Variants in ATXN8OS observed in about 807,000 individuals in gnomAD.
The protein encoded by ATXN8OS is ATXN8 opposite strand (non-protein coding).
At chr13:70,143,643 G>A (rs1425212333) in intron 3 of ATXN8OS, among the ~76,000 whole-genome samples, 2 of 151,932 alleles carry the variant, frequency 1.3e-5, no homozygotes, top group Non-Finnish European at 2.9e-5. Context: ...TTGAGCGGTG[G>A]GTACCTCACC....
chr13:70,144,506 C>A (rs302011), intron 3 of ATXN8OS, among the ~76,000 whole-genome samples: 132,471 of 152,120 alleles, frequency 0.87, 57,873 homozygotes, highest in East Asian at 1. Context: ...TGTAATATTC[C>A]ACTGAATTCA....
intron 3 of ATXN8OS, among the ~76,000 whole-genome samples, chr13:70,143,013 C>T (rs965594220): frequency 2.0e-5 from 3 of 151,724 alleles, no homozygotes; most frequent in African/African-American, 7.3e-5. Flanking sequence ...GCAGAGGTTG[C>T]CGTGAGCCGA....
chr13:70,149,307 T>C (rs998569792), intron 4 of ATXN8OS, among the ~76,000 whole-genome samples: 1 of 152,116 alleles, frequency 6.6e-6, no homozygotes, highest in Non-Finnish European at 1.5e-5. Context: ...GAAAGCTCAA[T>C]TCAAAATTTG....
intron 3 of ATXN8OS, among the ~76,000 whole-genome samples, chr13:70,136,743 T>C (rs2137487896): frequency 6.6e-6 from 1 of 152,250 alleles, no homozygotes; most frequent in East Asian, 1.9e-4. Context: ...CTTAGTTCCA[T>C]TTAATAGGTT....
At chr13:70,134,966 T>C (rs770361535) in intron 3 of ATXN8OS, among the ~76,000 whole-genome samples, 2 of 152,166 alleles carry the variant, frequency 1.3e-5, no homozygotes, top group South Asian at 2.1e-4. Flanking sequence ...TGGACTCTTG[T>C]TCTCTTGGGA....
At chr13:70,119,280 C>A (rs1047744951) in intron 2 of ATXN8OS, among the ~76,000 whole-genome samples, 1 of 152,096 alleles carries the variant, frequency 6.6e-6, no homozygotes, top group South Asian at 2.1e-4. Context: ...AGTTCTCTAG[C>A]AATCACACAG....
At chr13:70,118,869 G>A (rs972924683) in intron 2 of ATXN8OS, among the ~76,000 whole-genome samples, 13 of 146,802 alleles carry the variant, frequency 8.9e-5, no homozygotes, top group African/African-American at 3.3e-4. Flanking sequence ...TTTAGCTCTT[G>A]TTGCCCAGGC....
chr13:70,141,582 A>G (rs896371121), intron 3 of ATXN8OS, among the ~76,000 whole-genome samples: 6 of 152,138 alleles, frequency 3.9e-5, no homozygotes, highest in African/African-American at 1.4e-4. Flanking sequence ...ATTTATATAT[A>G]CAAATATGTG....
At position 70,118,518 on chromosome 13, in the gene ATXN8OS, G is replaced by T. The variant is rs543456286; in HGVS notation, n.398+3220G>T. On this transcript the variant is annotated intron_variant and non_coding_transcript_variant, in intron 2 of 4. Coordinates refer to ENST00000678624, the Ensembl canonical transcript of ATXN8OS. Reference sequence around the variant, plus strand: ...TAGTCACATTTCTGGTTTTGAGTAAGAATGCCATATATACATATATGCATT... The same window carrying T: ...TAGTCACATTTCTGGTTTTGAGTAATAATGCCATATATACATATATGCATT... Among the ~76,000 whole-genome samples, 15 of 152,052 alleles carry T rather than the reference G, an allele frequency of 9.9e-5. No homozygotes were observed. The East Asian group carries it at 2.9e-3, about 29-fold the overall frequency.
chr13:70,117,491 GC>G (rs1323591739), intron 2 of ATXN8OS, among the ~76,000 whole-genome samples: 1 of 152,056 alleles, frequency 6.6e-6, no homozygotes, highest in Non-Finnish European at 1.5e-5. Context: ...CACAGCTTGA[GC>G]AGTGCATCCT....
intron 4 of ATXN8OS, among the ~76,000 whole-genome samples, chr13:70,167,723 C>CTTTTTTTTTTTTTTTTT (rs4053603): frequency 1.6e-5 from 1 of 61,882 alleles, no homozygotes; most frequent in African/African-American, 5.6e-5. Context: ...TATGTAACTT[C>CTTTTTTTTTTTTTTTTT]TTTTTTTTTT....
chr13:70,141,908 T>A (rs954240675), intron 3 of ATXN8OS, among the ~76,000 whole-genome samples: 1 of 151,270 alleles, frequency 6.6e-6, no homozygotes, highest in Non-Finnish European at 1.5e-5. Flanking sequence ...TGAAACAGAG[T>A]TTTTTGCTTT....
At chr13:70,146,395 C>G (rs900628946) in intron 3 of ATXN8OS, among the ~76,000 whole-genome samples, 1 of 151,648 alleles carries the variant, frequency 6.6e-6, no homozygotes, top group Non-Finnish European at 1.5e-5. Flanking sequence ...ACCATTTGAC[C>G]CAGCCATCCC....
chr13:70,134,794 G>A (rs1223561863), intron 3 of ATXN8OS, among the ~76,000 whole-genome samples: 1 of 152,150 alleles, frequency 6.6e-6, no homozygotes, highest in Admixed American at 6.5e-5. Context: ...AGAATAGAAG[G>A]ACTGCAATCT....
chr13:70,131,031 T>C (rs1356195170), intron 3 of ATXN8OS: 1 of 398,414 alleles, frequency 2.5e-6, no homozygotes, highest in Non-Finnish European at 4.4e-6. Context: ...AGTTAGGAAG[T>C]GAAATTCTCA....
At chr13:70,147,015 A>C (rs535873988) in intron 3 of ATXN8OS, among the ~76,000 whole-genome samples, 22 of 152,282 alleles carry the variant, frequency 1.4e-4, no homozygotes, top group African/African-American at 5.3e-4. Context: ...TTTCATATAA[A>C]ATTAAGTATG....
chr13:70,146,546 A>T (rs1384256149), intron 3 of ATXN8OS, among the ~76,000 whole-genome samples: 3 of 152,188 alleles, frequency 2.0e-5, no homozygotes, highest in Non-Finnish European at 4.4e-5. Flanking sequence ...TGGATTAAGA[A>T]AATGTGGCAC....
chr13:70,137,349 T>C (rs942455201), intron 3 of ATXN8OS, among the ~76,000 whole-genome samples: 3 of 152,184 alleles, frequency 2.0e-5, no homozygotes, highest in African/African-American at 7.2e-5. Flanking sequence ...AGTTTATCTA[T>C]GTGAAACACC....
At chr13:70,158,497 C>A (rs550656811) in intron 4 of ATXN8OS, among the ~76,000 whole-genome samples, 1 of 152,202 alleles carries the variant, frequency 6.6e-6, no homozygotes, top group Non-Finnish European at 1.5e-5. Context: ...CCTTCAGCTG[C>A]CTCCATCGGT....
Sources: allele counts gnomAD v4.1 joint callset (sites outside exome capture counted in the v4.1 genomes callset), GRCh38; gene constraint gnomAD v4.1.1; transcripts MANE v1.5; gene names NCBI Gene and HGNC (gene_info 2026-07-23, HGNC 2026-07-21).